Variants in CLSTN1 observed in about 807,000 individuals in gnomAD.
CLSTN1 encodes calsyntenin 1, also known as calsyntenin-1.
A neutral mutation model predicts 108.3 loss-of-function variants in CLSTN1; 28 were observed. That is an observed-to-expected ratio of 0.26 (90% CI 0.19 to 0.35). The LOEUF (loss-of-function observed/expected upper bound fraction) is 0.35. Among genes scored for constraint, CLSTN1 ranks in the 10% least tolerant of loss-of-function variants. CLSTN1 has a pLI of 1.00. For synonymous variants in CLSTN1, 524 were observed against 534.9 expected (o/e 0.98, Z 0.28); for missense variants, 1,157 against 1,302.6 (o/e 0.89, Z 1.72).
chr1:9,804,727 G>A (rs1320337084), intron 1 of CLSTN1, among the ~76,000 whole-genome samples: 8 of 152,156 alleles, frequency 5.3e-5, no homozygotes, highest in Admixed American at 5.2e-4. Flanking sequence ...AGCTATTCAG[G>A]AAGCTGAAGT....
At chr1:9,761,274 C>T (rs1458354831) in intron 2 of CLSTN1, among the ~76,000 whole-genome samples, 6 of 152,108 alleles carry the variant, frequency 3.9e-5, no homozygotes, top group Admixed American at 3.9e-4. Flanking sequence ...GGGTGGATCA[C>T]CTGAGGTCAG....
At chr1:9,821,894 A>G (rs988887155) in intron 1 of CLSTN1, among the ~76,000 whole-genome samples, 6 of 152,240 alleles carry the variant, frequency 3.9e-5, no homozygotes, top group African/African-American at 1.4e-4. Context: ...CAAATTACAA[A>G]TGACTCAACT....
chr1:9,738,568 C>T (rs910434477), intron 10 of CLSTN1, among the ~76,000 whole-genome samples: 1 of 152,196 alleles, frequency 6.6e-6, no homozygotes, highest in East Asian at 1.9e-4. Flanking sequence ...CCACGGCCAA[C>T]GTGTAGCAAA....
chr1:9,742,376 AG>A (rs1651028430), intron 9 of CLSTN1, among the ~76,000 whole-genome samples: 1 of 152,162 alleles, frequency 6.6e-6, no homozygotes, highest in Non-Finnish European at 1.5e-5. Context: ...AGCAGTGAAT[AG>A]GGGTAACAAT....
chr1:9,821,652 G>C (rs1346569109), intron 1 of CLSTN1, among the ~76,000 whole-genome samples: 1 of 152,144 alleles, frequency 6.6e-6, no homozygotes, highest in African/African-American at 2.4e-5. Flanking sequence ...TAGTTGAAAT[G>C]ATCTCTTAAA....
chr1:9,823,262 G>T lies in CLSTN1; in HGVS notation c.91+381C>A, dbSNP rs755586439. 6.6e-6 allele frequency among the ~76,000 whole-genome samples: 1 copy of T among 152,194 alleles called. No homozygotes were observed. The highest frequency in any genetic ancestry group is 2.4e-5 in the African/African-American group (1 of 41,464). Reference sequence around the variant, plus strand: ...GGTGCAGCCCCAGCCTGCGTGCGCCGCTGAGCAGGGCGGACTGACCCTTCG... The same window carrying T: ...GGTGCAGCCCCAGCCTGCGTGCGCCTCTGAGCAGGGCGGACTGACCCTTCG... On this transcript the variant is annotated intron_variant, in intron 1 of 18. Transcript: ENST00000377298. This position sits in a 1 kb window ranked among gnomAD's most constrained non-coding sequence, Gnocchi z 6.3.
At chr1:9,796,117 C>T (rs1653981093) in intron 1 of CLSTN1, among the ~76,000 whole-genome samples, 1 of 150,672 alleles carries the variant, frequency 6.6e-6, no homozygotes, top group African/African-American at 2.4e-5. Flanking sequence ...GAAAAATTAG[C>T]TGGGCGTGGT....
chr1:9,813,716 C>T (rs951659658), intron 1 of CLSTN1, among the ~76,000 whole-genome samples: 1 of 152,080 alleles, frequency 6.6e-6, no homozygotes, highest in Admixed American at 6.6e-5. Flanking sequence ...TAATAGACAA[C>T]CTTATACAAA....
chr1:9,822,719 T>C (rs1655235841), intron 1 of CLSTN1, among the ~76,000 whole-genome samples: 1 of 152,156 alleles, frequency 6.6e-6, no homozygotes, highest in Admixed American at 6.5e-5. Flanking sequence ...AGCAGAGGCA[T>C]GCAAGGTTTA....
intron 2 of CLSTN1, among the ~76,000 whole-genome samples, chr1:9,765,381 T>C (rs1240352031): frequency 1.3e-5 from 2 of 151,432 alleles, no homozygotes; most frequent in Admixed American, 6.6e-5. Flanking sequence ...CGAGACTCCA[T>C]CTCAGAAAAA....
chr1:9,802,536 A>C lies in CLSTN1; in HGVS notation c.91+21107T>G, dbSNP rs187926770. ...TTTTTAAACTCCACTCTAATTTTAT[A>C]ATCTACTTTCCTGACTCAACTGTAC... On this transcript the variant is annotated intron_variant, in intron 1 of 18. Transcript: ENST00000377298. 7.9e-5 allele frequency among the ~76,000 whole-genome samples: 12 copies of C among 152,316 alleles called. No individual in the cohort carries two copies. The East Asian group carries it at 1.9e-3, about 24-fold the overall frequency.
chr1:9,749,110 C>T (rs1456213496), intron 7 of CLSTN1, among the ~76,000 whole-genome samples: 1 of 150,780 alleles, frequency 6.6e-6, no homozygotes, highest in Non-Finnish European at 1.5e-5. Flanking sequence ...CGCTGTGTTG[C>T]CCAGGCTGGT....
At chr1:9,776,683 G>T (rs1057412699) in intron 1 of CLSTN1, among the ~76,000 whole-genome samples, 1 of 151,962 alleles carries the variant, frequency 6.6e-6, no homozygotes, top group Non-Finnish European at 1.5e-5. Context: ...TTCAACTTTG[G>T]GGTCTCAGAA....
intron 7 of CLSTN1, 55 bp downstream of exon 7, chr1:9,749,406 G>T: frequency 6.8e-7 from 1 of 1,463,122 alleles, no homozygotes. Flanking sequence ...AGTTGTAAAG[G>T]TCCCTCCCAC....
intron 1 of CLSTN1, among the ~76,000 whole-genome samples, chr1:9,775,519 T>C (rs1373166013): frequency 6.6e-6 from 1 of 152,048 alleles, no homozygotes; most frequent in Non-Finnish European, 1.5e-5. Context: ...AGTGTCGATG[T>C]CAGACGTCCT....
intron 1 of CLSTN1, among the ~76,000 whole-genome samples, chr1:9,818,288 G>A (rs1055291539): frequency 1.3e-5 from 2 of 151,714 alleles, no homozygotes; most frequent in Non-Finnish European, 2.9e-5. Flanking sequence ...GGGATTACAG[G>A]TGTCAGCTAC....
chr1:9,733,380 C>T, intron 16 of CLSTN1, 21 bp downstream of exon 16: 2 of 1,613,968 alleles, frequency 1.2e-6, no homozygotes, highest in Non-Finnish European at 1.7e-6. Context: ...TGGCCCTGCT[C>T]AGTGGGAGCC....
At position 9,757,029 on chromosome 1, in the gene CLSTN1, C is replaced by T. The variant is rs745447212; in HGVS notation, c.215-519G>A. Among the ~76,000 whole-genome samples, 64 of 151,760 alleles carry T rather than the reference C, an allele frequency of 4.2e-4. No homozygotes were observed. In the Middle Eastern group the frequency reaches 0.017, roughly 40 times the overall value. ...TCCTGACCTCGTGATCCGCCCACCTCGGCCTCCCAAAGTGCTGGGATTACA... is the reference window on the plus strand; with the variant it reads ...TCCTGACCTCGTGATCCGCCCACCTTGGCCTCCCAAAGTGCTGGGATTACA... On this transcript the variant is annotated intron_variant, in intron 2 of 18. Coordinates refer to ENST00000377298, the MANE Select transcript of CLSTN1 (RefSeq NM_001009566.3).
chr1:9,805,156 A>C lies in CLSTN1; in HGVS notation c.91+18487T>G, dbSNP rs920717289. Among the ~76,000 whole-genome samples, 6 of 152,164 alleles carry C rather than the reference A, an allele frequency of 3.9e-5. No individual in the cohort carries two copies. In the South Asian group the frequency reaches 1.2e-3, roughly 31 times the overall value. On this transcript the variant is annotated intron_variant, in intron 1 of 18. Transcript: ENST00000377298. ...AAGAAAAGAAAGCAAGGGGCAATGT[A>C]AACTATGAAGAGACATAATTCCAGG...
Sources: gnomAD v4.1 joint callset for allele counts (sites outside exome capture counted in the v4.1 genomes callset) on GRCh38, gnomAD v4.1.1 for gene constraint, Gnocchi (gnomAD v3.1) non-coding constraint, MANE v1.5 for transcripts, NCBI Gene and HGNC (gene_info 2026-07-23, HGNC 2026-07-21) for gene names.